Variants in CDKAL1 observed in about 807,000 individuals in gnomAD.
The protein encoded by CDKAL1 is CDKAL1 threonylcarbamoyladenosine tRNA methylthiotransferase.
In CDKAL1, 32 loss-of-function variants were observed where a neutral mutation model predicts 68.2. The ratio of observed to expected loss-of-function variants is 0.47; its 90% CI spans 0.35 to 0.63. The LOEUF is 0.63. CDKAL1 is among the 30% of genes least tolerant of loss of function. The pLI is 0.00. For synonymous variants in CDKAL1, 234 were observed against 244.3 expected (o/e 0.96, Z 0.39); for missense variants, 606 against 696.7 (o/e 0.87, Z 1.47).
chr6:21,003,598 T>G (rs1229387008), intron 11 of CDKAL1, among the ~76,000 whole-genome samples: 2 of 151,464 alleles, frequency 1.3e-5, no homozygotes, highest in Non-Finnish European at 2.9e-5. Flanking sequence ...AAGAAATAAA[T>G]GAAATATTTT....
At chr6:21,189,404 G>A (rs938687453) in intron 13 of CDKAL1, among the ~76,000 whole-genome samples, 9 of 152,158 alleles carry the variant, frequency 5.9e-5, no homozygotes, top group Non-Finnish European at 1.2e-4. Flanking sequence ...CCACTTCAAA[G>A]GAACATTCTT....
Position 20,919,487 on chromosome 6 carries a change from C to A in CDKAL1, c.743-35932C>A, listed in dbSNP as rs915288858. ...ATGGTGGTTTGCTGCACCCATCAAC[C>A]TGTGACCTACATTAGGTATTTCTCC... On this transcript the variant is annotated intron_variant, in intron 9 of 15. Transcript: ENST00000274695. 6.6e-5 allele frequency among the ~76,000 whole-genome samples: 10 copies of A among 152,246 alleles called. No individual in the cohort carries two copies. In the East Asian group the frequency reaches 1.9e-3, roughly 29 times the overall value.
chr6:20,609,978 T>A (rs1028975153), intron 4 of CDKAL1, among the ~76,000 whole-genome samples: 2 of 152,172 alleles, frequency 1.3e-5, no homozygotes, highest in East Asian at 1.9e-4. Context: ...CCCCTCTATG[T>A]GTCCATGTGT....
chr6:20,566,856 TTTAAAAAAATTTG>T (rs1340541004), intron 4 of CDKAL1, among the ~76,000 whole-genome samples: 2 of 152,124 alleles, frequency 1.3e-5, no homozygotes, highest in Non-Finnish European at 2.9e-5. Flanking sequence ...AACTCAACTG[TTTAAAAAAATTTG>T]TTAAAATAAA....
intron 4 of CDKAL1, among the ~76,000 whole-genome samples, chr6:20,577,330 G>T (rs1012626): frequency 0.45 from 68,974 of 152,048 alleles, 16,094 homozygotes; most frequent in African/African-American, 0.54. Context: ...CCTCCATGTA[G>T]GGGGCGGGGG....
At chr6:21,083,591 T>A (rs1442938834) in intron 12 of CDKAL1, among the ~76,000 whole-genome samples, 1 of 152,180 alleles carries the variant, frequency 6.6e-6, no homozygotes, top group Non-Finnish European at 1.5e-5. Context: ...TACTGTTATC[T>A]AAATCAGGAA....
intron 15 of CDKAL1, among the ~76,000 whole-genome samples, chr6:21,229,239 T>G (rs1290339767): frequency 1.3e-5 from 2 of 152,146 alleles, no homozygotes; most frequent in African/African-American, 4.8e-5. Context: ...TAGAAGTTGT[T>G]TTCATTTCCC....
At chr6:20,685,624 A>G (rs1014704280) in intron 5 of CDKAL1, among the ~76,000 whole-genome samples, 4 of 152,260 alleles carry the variant, frequency 2.6e-5, no homozygotes, top group East Asian at 1.9e-4. Context: ...GAGGCTTCCT[A>G]TCCTAAATAT....
chr6:20,742,169 C>A lies in CDKAL1; in HGVS notation c.468+2554C>A, dbSNP rs143460742. Among the ~76,000 whole-genome samples the A allele has an allele frequency of 4.1e-3, 617 of 152,052 alleles. 8 individuals are homozygous for A. Among genetic ancestry groups the A allele is most frequent in the African/African-American group, 0.014 (569 of 41,508 alleles). On this transcript the variant is annotated intron_variant, in intron 6 of 15. Transcript: ENST00000274695. Reference sequence around the variant, plus strand: ...TTTAATAGGGCTGTTTGTTTTTTCTCTTGTAAATTTGTTTATGTTCCTTAT... The same window carrying A: ...TTTAATAGGGCTGTTTGTTTTTTCTATTGTAAATTTGTTTATGTTCCTTAT...
chr6:20,601,442 T>A (rs1364615790), intron 4 of CDKAL1, among the ~76,000 whole-genome samples: 2 of 152,182 alleles, frequency 1.3e-5, no homozygotes, highest in Non-Finnish European at 2.9e-5. Context: ...GTTTTTCTTG[T>A]GGGCATGGGA....
intron 8 of CDKAL1, among the ~76,000 whole-genome samples, chr6:20,812,805 TTTGA>T (rs1776878254): frequency 6.6e-6 from 1 of 152,170 alleles, no homozygotes; most frequent in Non-Finnish European, 1.5e-5. Flanking sequence ...AGATACCTGG[TTTGA>T]TTGTGTTTTC....
At chr6:21,055,076 TG>T (rs1047002967) in intron 11 of CDKAL1, among the ~76,000 whole-genome samples, 1 of 152,198 alleles carries the variant, frequency 6.6e-6, no homozygotes, top group African/African-American at 2.4e-5. Flanking sequence ...AATGGGTGTT[TG>T]ATTTGTCAAA....
rs896617582 is a variant in CDKAL1 at position 20,926,885 on chromosome 6, A to T, written c.743-28534A>T. ...GTAATATACCAAGATGTTTCTATAT[A>T]TTTATATATATATGTTTATGTATAT... On this transcript the variant is annotated intron_variant, in intron 9 of 15. Coordinates refer to ENST00000274695, the MANE Select transcript of CDKAL1 (RefSeq NM_017774.3). 3.4e-3 allele frequency among the ~76,000 whole-genome samples: 97 copies of T among 28,150 alleles called. 1 individual carries two copies. The highest frequency in any genetic ancestry group is 0.013 in the Non-Finnish European group (83 of 6,600). The allele number at this position is 28,150 out of a possible 152,430, so 18.5% of individuals were successfully genotyped here.
intron 10 of CDKAL1, among the ~76,000 whole-genome samples, chr6:20,981,847 A>G (rs1273806734): frequency 6.6e-6 from 1 of 152,162 alleles, no homozygotes; most frequent in Non-Finnish European, 1.5e-5. Context: ...TCAAAAAAGG[A>G]AAAGAAAATT....
At chr6:20,786,072 T>A (rs1275365033) in intron 8 of CDKAL1, among the ~76,000 whole-genome samples, 3 of 151,970 alleles carry the variant, frequency 2.0e-5, no homozygotes, top group Admixed American at 6.6e-5. Context: ...AATACAAAAA[T>A]TAGCTGGATG....
At chr6:21,139,540 G>T (rs957970291) in intron 13 of CDKAL1, among the ~76,000 whole-genome samples, 13 of 151,958 alleles carry the variant, frequency 8.6e-5, no homozygotes, top group Non-Finnish European at 1.8e-4. Flanking sequence ...CTTGAAACAG[G>T]GTCTCTGTCT....
At chr6:21,060,340 C>T (rs1447229474) in intron 11 of CDKAL1, among the ~76,000 whole-genome samples, 1 of 152,146 alleles carries the variant, frequency 6.6e-6, no homozygotes, top group Non-Finnish European at 1.5e-5. Flanking sequence ...GCATAAGGTT[C>T]ATAGTATTCT....
chr6:20,548,504 G>T, intron 3 of CDKAL1, 89 bp from the exon 4 acceptor site: 1 of 706,492 alleles, frequency 1.4e-6, no homozygotes, highest in Non-Finnish European at 2.5e-6. Context: ...CTGCACTGCA[G>T]CCTGGGCAAC....
chr6:20,781,328 T>A, intron 8 of CDKAL1, 63 bp downstream of exon 8: 1 of 1,439,072 alleles, frequency 6.9e-7, no homozygotes, highest in South Asian at 1.4e-5. Flanking sequence ...AGTTTTTTTT[T>A]CTTGGACATG....
Sources: gnomAD v4.1 joint callset for allele counts (sites outside exome capture counted in the v4.1 genomes callset) on GRCh38, gnomAD v4.1.1 for gene constraint, MANE v1.5 for transcripts, NCBI Gene and HGNC (gene_info 2026-07-23, HGNC 2026-07-21) for gene names.